The following GRM5 variants were observed in gnomAD, a reference collection of about 807,000 sequenced individuals.
The protein encoded by GRM5 is metabotropic glutamate receptor 5.
Under a neutral mutation model 83.1 loss-of-function variants are expected in GRM5, and 19 were observed. That is an observed-to-expected ratio of 0.23 (90% CI 0.16 to 0.34). The LOEUF is 0.34. Among genes scored for constraint, GRM5 ranks in the 10% least tolerant of loss-of-function variants. The pLI is 1.00. For missense variants in GRM5, 1,160 were observed against 1,588.3 expected (o/e 0.73, Z 4.58); for synonymous variants, 675 against 633.6 (o/e 1.07, Z -0.98).
At chr11:88,873,249 G>T (rs563806366) in intron 2 of GRM5, among the ~76,000 whole-genome samples, 5 of 151,730 alleles carry the variant, frequency 3.3e-5, no homozygotes, top group African/African-American at 1.2e-4. Flanking sequence ...TTGCACTGCA[G>T]TACAATAATA....
chr11:88,828,356 T>C (rs1434993655), intron 3 of GRM5, among the ~76,000 whole-genome samples: 2 of 152,190 alleles, frequency 1.3e-5, no homozygotes, highest in African/African-American at 2.4e-5. Context: ...CCTTGAGATA[T>C]AGGTAATTGT....
intron 3 of GRM5, among the ~76,000 whole-genome samples, chr11:88,660,629 G>A (rs1200705388): frequency 6.6e-6 from 1 of 152,146 alleles, no homozygotes; most frequent in Non-Finnish European, 1.5e-5. Flanking sequence ...AACTATGTGT[G>A]GGGCATGCTA....
At chr11:88,756,320 A>G (rs2135432986) in intron 3 of GRM5, among the ~76,000 whole-genome samples, 1 of 152,318 alleles carries the variant, frequency 6.6e-6, no homozygotes, top group South Asian at 2.1e-4. Context: ...TACTCCATCC[A>G]AAGATAGAAA....
chr11:88,724,016 T>A (rs772556772), intron 3 of GRM5, among the ~76,000 whole-genome samples: 1 of 152,138 alleles, frequency 6.6e-6, no homozygotes, highest in Non-Finnish European at 1.5e-5. Flanking sequence ...GAGAATGCCC[T>A]TTTAAAAATG....
intron 2 of GRM5, among the ~76,000 whole-genome samples, chr11:88,994,444 A>ATT (rs1189579621): frequency 1.6e-3 from 157 of 99,612 alleles, no homozygotes; most frequent in Admixed American, 0.014. Flanking sequence ...ACTTTAACTG[A>ATT]TTATATATAT....
At chr11:88,793,828 G>A (rs539060654) in intron 3 of GRM5, among the ~76,000 whole-genome samples, 28 of 150,430 alleles carry the variant, frequency 1.9e-4, no homozygotes, top group Admixed American at 3.3e-4. Flanking sequence ...TTGTTTGTTC[G>A]TTTGTTTGTT....
At chr11:89,062,370 G>GTAGTCCT (rs1261969638) in intron 1 of GRM5, among the ~76,000 whole-genome samples, 1 of 152,216 alleles carries the variant, frequency 6.6e-6, no homozygotes, top group Admixed American at 6.5e-5. Flanking sequence ...ACTGGAGGAA[G>GTAGTCCT]GGCTGCACGT....
intron 3 of GRM5, among the ~76,000 whole-genome samples, chr11:88,764,912 C>T (rs1942598987): frequency 6.6e-6 from 1 of 151,090 alleles, no homozygotes. Flanking sequence ...ATCAATAAAA[C>T]CAAACTTGGT....
intron 3 of GRM5, among the ~76,000 whole-genome samples, chr11:88,819,674 C>A (rs1943752278): frequency 6.6e-6 from 1 of 152,106 alleles, no homozygotes; most frequent in Non-Finnish European, 1.5e-5. Flanking sequence ...TCACTTAATT[C>A]CTTTTTAAGG....
intron 3 of GRM5, among the ~76,000 whole-genome samples, chr11:88,684,927 G>T (rs1014354929): frequency 6.6e-6 from 1 of 152,076 alleles, no homozygotes; most frequent in Non-Finnish European, 1.5e-5. Flanking sequence ...TCCCAGTTTC[G>T]GGTATGTCTT....
At chr11:89,034,647 T>A (rs1170901070) in intron 2 of GRM5, among the ~76,000 whole-genome samples, 1 of 151,864 alleles carries the variant, frequency 6.6e-6, no homozygotes, top group East Asian at 1.9e-4. Context: ...TAAAATAATT[T>A]ATTTGTGGTA....
At chr11:88,857,522 A>G (rs1192124306) in intron 2 of GRM5, among the ~76,000 whole-genome samples, 1 of 152,042 alleles carries the variant, frequency 6.6e-6, no homozygotes, top group African/African-American at 2.4e-5. Context: ...ACTAGTGATT[A>G]ACCAAAATGG....
intron 3 of GRM5, among the ~76,000 whole-genome samples, chr11:88,717,890 C>T (rs150436850): frequency 1.9e-3 from 289 of 151,498 alleles, no homozygotes; most frequent in African/African-American, 6.4e-3. Context: ...AGGATAATTA[C>T]GTATTAATAA....
intron 4 of GRM5, among the ~76,000 whole-genome samples, chr11:88,647,404 G>A (rs1014891417): frequency 3.3e-5 from 5 of 152,050 alleles, no homozygotes; most frequent in East Asian, 1.9e-4. Context: ...TTAAGATGAC[G>A]CTTTATAAAT....
At chr11:88,905,707 T>A (rs1003967923) in intron 2 of GRM5, among the ~76,000 whole-genome samples, 1 of 152,126 alleles carries the variant, frequency 6.6e-6, no homozygotes, top group Non-Finnish European at 1.5e-5. Context: ...ATGGTCTTAG[T>A]GATACCTGAC....
chr11:88,683,298 C>G (rs1247132221), intron 3 of GRM5, among the ~76,000 whole-genome samples: 3 of 152,162 alleles, frequency 2.0e-5, no homozygotes, highest in Non-Finnish European at 4.4e-5. Flanking sequence ...TTCCTGATTA[C>G]TTGGTTTGCA....
chr11:88,670,660 A>G (rs1940168354), intron 3 of GRM5, among the ~76,000 whole-genome samples: 1 of 152,124 alleles, frequency 6.6e-6, no homozygotes, highest in African/African-American at 2.4e-5. Context: ...AACACTTCAC[A>G]CCTCACAAAA....
chr11:88,558,025 G>A (rs898909707), intron 8 of GRM5, among the ~76,000 whole-genome samples: 3 of 152,058 alleles, frequency 2.0e-5, no homozygotes, highest in African/African-American at 7.2e-5. Context: ...ATTGCTTTGT[G>A]TATGAATTGA....
chr11:89,003,991 C>T (rs1344612532), intron 2 of GRM5, among the ~76,000 whole-genome samples: 5 of 152,072 alleles, frequency 3.3e-5, no homozygotes, highest in South Asian at 2.1e-4. Flanking sequence ...TGAATAAGGT[C>T]GGAGTGAAGG....
Sources: gnomAD v4.1 joint callset for allele counts (sites outside exome capture counted in the v4.1 genomes callset) on GRCh38, gnomAD v4.1.1 for gene constraint, MANE v1.5 for transcripts, NCBI Gene and HGNC (gene_info 2026-07-23, HGNC 2026-07-21) for gene names.